ANKFN1: variants seen among roughly 807,000 people sequenced by gnomAD.
ANKFN1 encodes ankyrin repeat and fibronectin type-III domain-containing protein 1.
ANKFN1 carries 74 observed loss-of-function variants against 108.7 expected under a neutral mutation model. The ratio of observed to expected loss-of-function variants is 0.68; its 90% CI spans 0.56 to 0.83. The LOEUF is 0.83. Ranked by LOEUF, ANKFN1 falls within the 40% of genes least tolerant of loss-of-function variation. The pLI, the probability that ANKFN1 is intolerant of heterozygous loss-of-function variation, is 0.00. For missense variants in ANKFN1, 1,505 were observed against 1,382.3 expected (o/e 1.09, Z -1.41); for synonymous variants, 547 against 516.2 (o/e 1.06, Z -0.81).
intron 8 of ANKFN1, among the ~76,000 whole-genome samples, chr17:56,414,975 G>A (rs539341092): frequency 1.4e-4 from 22 of 151,954 alleles, no homozygotes; most frequent in East Asian, 5.8e-4. Context: ...AGCCAAGATC[G>A]CACCACTGCA....
At chr17:56,346,809 G>T (rs1339947275) in intron 4 of ANKFN1, among the ~76,000 whole-genome samples, 4 of 151,296 alleles carry the variant, frequency 2.6e-5, no homozygotes, top group African/African-American at 7.3e-5. Context: ...TAGGAATTCT[G>T]CTTGGAGAGT....
intron 16 of ANKFN1, 95 bp from the exon 17 acceptor site, chr17:56,480,573 G>T (rs569158739): frequency 9.2e-6 from 12 of 1,306,984 alleles, no homozygotes; most frequent in African/African-American, 5.9e-5. Flanking sequence ...ACCAAGCATT[G>T]GTTATCCAGG....
intron 3 of ANKFN1, among the ~76,000 whole-genome samples, chr17:56,274,605 G>A (rs1164906384): frequency 6.6e-6 from 1 of 152,170 alleles, no homozygotes; most frequent in African/African-American, 2.4e-5. Context: ...AGCAGAGAGC[G>A]ATTGAAACAC....
chr17:56,132,314 T>A (rs1260657073), intron 4 of ANKFN1, among the ~76,000 whole-genome samples: 1 of 152,134 alleles, frequency 6.6e-6, no homozygotes, highest in Non-Finnish European at 1.5e-5. Flanking sequence ...TTTTTGGAGA[T>A]CTCAGGTCTG....
At chr17:56,384,048 T>A (rs2047185912) in intron 8 of ANKFN1, among the ~76,000 whole-genome samples, 1 of 152,076 alleles carries the variant, frequency 6.6e-6, no homozygotes, top group African/African-American at 2.4e-5. Context: ...TAGACCAATA[T>A]CCTTGATGAA....
At chr17:56,435,270 T>C (rs144794149) in intron 8 of ANKFN1, among the ~76,000 whole-genome samples, 1 of 152,328 alleles carries the variant, frequency 6.6e-6, no homozygotes, top group African/African-American at 2.4e-5. Flanking sequence ...TACACTCTGC[T>C]AGGTGCTATG....
At chr17:56,128,894 A>G (rs1907098743) in intron 4 of ANKFN1, among the ~76,000 whole-genome samples, 1 of 152,178 alleles carries the variant, frequency 6.6e-6, no homozygotes, top group Admixed American at 6.5e-5. Context: ...AGGCAGAACT[A>G]TTGGTCACAT....
intron 1 of ANKFN1, among the ~76,000 whole-genome samples, chr17:56,170,803 T>TAC (rs1160259097): frequency 1.3e-4 from 9 of 68,060 alleles, no homozygotes; most frequent in Non-Finnish European, 2.2e-4. Context: ...TATATATATA[T>TAC]ATATACACAC....
At chr17:56,382,758 C>T (rs925253627) in intron 8 of ANKFN1, among the ~76,000 whole-genome samples, 5 of 152,116 alleles carry the variant, frequency 3.3e-5, no homozygotes, top group African/African-American at 1.2e-4. Flanking sequence ...GTAAAGGGAT[C>T]AACTCAACAA....
At chr17:56,095,197 C>A (rs1295896501) in intron 4 of ANKFN1, among the ~76,000 whole-genome samples, 2 of 150,942 alleles carry the variant, frequency 1.3e-5, no homozygotes, top group East Asian at 1.9e-4. Context: ...GAAAAATAGG[C>A]CTTTTAAGAG....
intron 4 of ANKFN1, among the ~76,000 whole-genome samples, chr17:56,065,027 C>T (rs1336904648): frequency 1.3e-5 from 2 of 152,286 alleles, no homozygotes; most frequent in South Asian, 4.1e-4. Context: ...CCTTCCTCGC[C>T]GTGGATCACA....
intron 2 of ANKFN1, among the ~76,000 whole-genome samples, chr17:56,220,668 GAA>G (rs1171218335): frequency 6.9e-6 from 1 of 145,748 alleles, no homozygotes; most frequent in Non-Finnish European, 1.5e-5. Context: ...AAGAAAGAAA[GAA>G]AGAGGAAGGG....
chr17:56,481,082 C>CAAAAAA (rs11439875), intron 17 of ANKFN1, among the ~76,000 whole-genome samples: 16 of 65,848 alleles, frequency 2.4e-4, no homozygotes, highest in East Asian at 4.8e-4. Flanking sequence ...GTCTGGTCAG[C>CAAAAAA]AAAAAAAAAA....
intron 15 of ANKFN1, among the ~76,000 whole-genome samples, chr17:56,467,725 A>G (rs1158622274): frequency 4.1e-5 from 6 of 144,926 alleles, no homozygotes; most frequent in African/African-American, 7.9e-5. Flanking sequence ...GAAAGAAAGA[A>G]AGAGAGAAAG....
rs527976333 is a variant in ANKFN1 at position 56,360,237 on chromosome 17, G to C, written c.601+6191G>C. On this transcript the variant is annotated intron_variant, in intron 6 of 20. Coordinates refer to ENST00000682825, the MANE Select transcript of ANKFN1 (RefSeq NM_001370326.1). ...CCTCACCCACACCACCCTCCATTCTGTTCCTGTAACATGCCAGGCTATCTT... is the reference window on the plus strand; with the variant it reads ...CCTCACCCACACCACCCTCCATTCTCTTCCTGTAACATGCCAGGCTATCTT... Among the ~76,000 whole-genome samples, 8 of 152,194 alleles carry C rather than the reference G, an allele frequency of 5.3e-5. No individual in the cohort carries two copies. In the South Asian group the frequency reaches 1.5e-3, roughly 28 times the overall value.
chr17:56,319,939 A>C (rs892502624), intron 3 of ANKFN1, among the ~76,000 whole-genome samples: 1 of 152,142 alleles, frequency 6.6e-6, no homozygotes, highest in African/African-American at 2.4e-5. Flanking sequence ...TATACATATT[A>C]TGTATTATTT....
chr17:56,213,775 G>C (rs960226318), intron 2 of ANKFN1, among the ~76,000 whole-genome samples: 5 of 152,174 alleles, frequency 3.3e-5, no homozygotes, highest in Non-Finnish European at 7.4e-5. Context: ...CCCAAAAGCT[G>C]TTCTTAAAGC....
At chr17:56,370,020 G>T (rs968190014) in intron 6 of ANKFN1, among the ~76,000 whole-genome samples, 2 of 152,012 alleles carry the variant, frequency 1.3e-5, no homozygotes, top group African/African-American at 4.8e-5. Context: ...ATCAAAATCT[G>T]CATGTAAAAT....
At chr17:56,494,754 A>T (rs2051145367) in intron 19 of ANKFN1, among the ~76,000 whole-genome samples, 2 of 152,028 alleles carry the variant, frequency 1.3e-5, no homozygotes, top group South Asian at 4.2e-4. Flanking sequence ...TGACTTAACA[A>T]CCAGAGATAT....
Sources: allele counts gnomAD v4.1 joint callset (sites outside exome capture counted in the v4.1 genomes callset), GRCh38; gene constraint gnomAD v4.1.1; transcripts MANE v1.5; gene names NCBI Gene and HGNC (gene_info 2026-07-23, HGNC 2026-07-21).